EEA1: variants seen among roughly 807,000 people sequenced by gnomAD.
The protein encoded by EEA1 is early endosome antigen 1, also known as early endosome antigen 1, 162kD.
EEA1 carries 111 observed loss-of-function variants against 209.2 expected under a neutral mutation model. The ratio of observed to expected loss-of-function variants is 0.53; its 90% confidence interval spans 0.45 to 0.62. The LOEUF is 0.62. Ranked by LOEUF, EEA1 falls within the 20% of genes least tolerant of loss-of-function variation. EEA1 has a pLI of 0.00. For synonymous variants in EEA1, 536 were observed against 540.6 expected (o/e 0.99, Z 0.12); for missense variants, 1,343 against 1,530.8 (o/e 0.88, Z 2.05).
intron 1 of EEA1, among the ~76,000 whole-genome samples, chr12:92,924,771 C>T (rs1332712724): frequency 1.4e-5 from 2 of 143,266 alleles, no homozygotes; most frequent in East Asian, 4.2e-4. Context: ...CATTTCTTAA[C>T]GTCTTCTTTA....
At chr12:92,925,910 T>C (rs1479979428) in intron 1 of EEA1, among the ~76,000 whole-genome samples, 7 of 152,146 alleles carry the variant, frequency 4.6e-5, no homozygotes, top group African/African-American at 1.2e-4. Context: ...AAAAATGCTA[T>C]TTAAAGGAAA....
At chr12:92,817,023 T>A (rs984229728) in intron 14 of EEA1, among the ~76,000 whole-genome samples, 6 of 151,324 alleles carry the variant, frequency 4.0e-5, no homozygotes, top group African/African-American at 1.5e-4. Flanking sequence ...TTTTTGACCA[T>A]GTTTTTAACC....
intron 2 of EEA1, among the ~76,000 whole-genome samples, chr12:92,869,084 T>G (rs977337677): frequency 6.6e-6 from 1 of 152,178 alleles, no homozygotes; most frequent in Non-Finnish European, 1.5e-5. Context: ...CTCAGGGATG[T>G]CCCATGAACA....
At chr12:92,891,127 T>C (rs1311836655) in intron 2 of EEA1, among the ~76,000 whole-genome samples, 1 of 152,088 alleles carries the variant, frequency 6.6e-6, no homozygotes, top group Non-Finnish European at 1.5e-5. Context: ...AAGCTGACTT[T>C]TCAAATTTTT....
At chr12:92,874,455 TC>T (rs1270978733) in intron 2 of EEA1, among the ~76,000 whole-genome samples, 1 of 152,254 alleles carries the variant, frequency 6.6e-6, no homozygotes, top group Non-Finnish European at 1.5e-5. Context: ...AACCTCTGCC[TC>T]CCAGGTTCAA....
chr12:92,890,244 A>T (rs1260838817), intron 2 of EEA1, among the ~76,000 whole-genome samples: 1 of 152,210 alleles, frequency 6.6e-6, no homozygotes, highest in Non-Finnish European at 1.5e-5. Context: ...TATATGAAGT[A>T]GAGGTAAAAA....
At chr12:92,882,603 G>T (rs1879197798) in intron 2 of EEA1, among the ~76,000 whole-genome samples, 1 of 152,010 alleles carries the variant, frequency 6.6e-6, no homozygotes, top group African/African-American at 2.4e-5. Flanking sequence ...TCCAGTTTCT[G>T]TTGTTGCCAT....
At chr12:92,889,276 G>A (rs1046401366) in intron 2 of EEA1, among the ~76,000 whole-genome samples, 20 of 151,526 alleles carry the variant, frequency 1.3e-4, no homozygotes, top group Non-Finnish European at 2.8e-4. Flanking sequence ...TTACCAAAGG[G>A]CCAGCAAATA....
At chr12:92,828,982 A>G (rs1468599839) in intron 11 of EEA1, among the ~76,000 whole-genome samples, 2 of 152,224 alleles carry the variant, frequency 1.3e-5, no homozygotes, top group Non-Finnish European at 2.9e-5. Context: ...AACTCTTCCA[A>G]TTTCCCATAA....
chr12:92,915,737 T>C (rs866297111), intron 1 of EEA1, among the ~76,000 whole-genome samples: 2 of 152,212 alleles, frequency 1.3e-5, no homozygotes, highest in Admixed American at 1.3e-4. Flanking sequence ...AATTTCTTCA[T>C]TGATAAACTC....
chr12:92,806,372 A>G (rs1456041224), intron 18 of EEA1, among the ~76,000 whole-genome samples: 1 of 152,190 alleles, frequency 6.6e-6, no homozygotes, highest in Non-Finnish European at 1.5e-5. Flanking sequence ...CTGCCAATAA[A>G]CTTGAAGTTT....
At chr12:92,817,073 A>T (rs1371962829) in intron 14 of EEA1, among the ~76,000 whole-genome samples, 1 of 151,198 alleles carries the variant, frequency 6.6e-6, no homozygotes, top group Non-Finnish European at 1.5e-5. Flanking sequence ...TTGAAATTTT[A>T]AAAATTAAAA....
chr12:92,910,014 C>T (rs73209548), intron 1 of EEA1, among the ~76,000 whole-genome samples: 39,105 of 151,702 alleles, frequency 0.26, 5,534 homozygotes, highest in Non-Finnish European at 0.32. Context: ...GTGGTAGCAG[C>T]CACCTGTAAT....
At chr12:92,778,318 A>T in intron 25 of EEA1, 139 bp from the exon 26 acceptor site, 1 of 664,728 alleles carries the variant, frequency 1.5e-6, no homozygotes, top group Non-Finnish European at 2.5e-6. Flanking sequence ...TTACACATTA[A>T]TAAAACTGAT....
rs1441442849 is a variant in EEA1, at chr12:92,851,092, G to A, written c.798+19C>T. On this transcript the variant is annotated intron_variant, in intron 9 of 28. Transcript: ENST00000322349. ...ACAAGCTAATATGAATCACATTTAA[G>A]TACAATGAACTTCATTACCTCTGAG... The A allele has an allele frequency of 1.9e-6, 3 of 1,611,198 alleles. No individual in the cohort carries two copies. Among genetic ancestry groups the A allele is most frequent in the South Asian group, 1.1e-5 (1 of 90,824 alleles).
intron 10 of EEA1, chr12:92,835,399 C>T (rs927989170): frequency 4.2e-6 from 1 of 236,566 alleles, no homozygotes; most frequent in African/African-American, 3.3e-5. Flanking sequence ...TAGTTTCACT[C>T]CTTTTTTTTT....
At chr12:92,779,655 C>T (rs940447956) in intron 24 of EEA1, among the ~76,000 whole-genome samples, 1 of 152,040 alleles carries the variant, frequency 6.6e-6, no homozygotes, top group Non-Finnish European at 1.5e-5. Context: ...GAATTATACA[C>T]ATTCCCTGAT....
In EEA1 at chr12:92,787,762, T is replaced by G. The variant is rs576725378; in HGVS notation, c.3150+105A>C. The G allele has an allele frequency of 3.9e-5, 37 of 942,934 alleles. No individual in the cohort carries two copies. The African/African-American group carries it at 5.8e-4, about 15-fold the overall frequency. 58.4% of individuals were successfully genotyped at this position (942,934 alleles called of 1,614,324 possible). On this transcript the variant is annotated intron_variant, in intron 22 of 28. Coordinates refer to ENST00000322349, the MANE Select transcript of EEA1 (RefSeq NM_003566.4). ...AATTTAATAGAAAACAGCACACTAT[T>G]CCACAAATACTAACATTTCCTTGCC...
chr12:92,868,672 T>G (rs1370440001), intron 2 of EEA1, among the ~76,000 whole-genome samples: 3 of 152,250 alleles, frequency 2.0e-5, no homozygotes, highest in Non-Finnish European at 2.9e-5. Flanking sequence ...TATAGAAATA[T>G]TCCACATAAG....
Sources: allele counts gnomAD v4.1 joint callset (sites outside exome capture counted in the v4.1 genomes callset), GRCh38; gene constraint gnomAD v4.1.1; transcripts MANE v1.5; gene names NCBI Gene and HGNC (gene_info 2026-07-23, HGNC 2026-07-21).